TAAR5: variants seen among roughly 807,000 people sequenced by gnomAD.
TAAR5 encodes trace amine associated receptor 5, also known as trace amine-associated receptor 5.
Under a neutral mutation model 21.1 loss-of-function variants are expected in TAAR5, and 27 were observed. The observed-to-expected ratio is 1.28, with a 90% CI of 0.94 to 1.76. TAAR5 has a LOEUF of 1.76. TAAR5 is among the 40% of genes most tolerant of loss of function. The pLI is 0.00. For synonymous variants in TAAR5, 203 were observed against 167.5 expected (o/e 1.21, Z -1.64); for missense variants, 495 against 405.6 (o/e 1.22, Z -1.89).
chr6:132,609,687 T>A, the TAAR5 span, among the ~76,000 whole-genome samples: 5 of 152,214 alleles, frequency 3.3e-5, no homozygotes, highest in African/African-American at 1.2e-4. Context: ...GCTGCTAATA[T>A]CTCTTGCATC....
chr6:132,601,027 G>A, the TAAR5 span, among the ~76,000 whole-genome samples: 65 of 51,188 alleles, frequency 1.3e-3, no homozygotes, highest in African/African-American at 8.9e-3. Flanking sequence ...GGGGGAAGGA[G>A]GGAAGGAGGG....
At chr6:132,608,223 A>G in the TAAR5 span, 1 of 400,968 alleles carries the variant, frequency 2.5e-6, no homozygotes, top group Non-Finnish European at 4.9e-6. Context: ...GCAATATTCT[A>G]TTCACTTTTG....
the TAAR5 span, among the ~76,000 whole-genome samples, chr6:132,606,952 T>C: frequency 6.6e-6 from 1 of 152,122 alleles, no homozygotes; most frequent in Non-Finnish European, 1.5e-5. Flanking sequence ...TCCCAGCACT[T>C]TGGGAGGCTG....
the TAAR5 span, among the ~76,000 whole-genome samples, chr6:132,599,098 A>T: frequency 6.6e-6 from 1 of 152,178 alleles, no homozygotes. Flanking sequence ...AGCCCAAGCT[A>T]AACGCAAAAA....
the TAAR5 span, among the ~76,000 whole-genome samples, chr6:132,607,447 G>C: frequency 6.6e-6 from 1 of 152,030 alleles, no homozygotes; most frequent in African/African-American, 2.4e-5. Flanking sequence ...TAGATCATAG[G>C]TATTATGGTG....
At chr6:132,616,442 A>G in the TAAR5 span, among the ~76,000 whole-genome samples, 1 of 152,212 alleles carries the variant, frequency 6.6e-6, no homozygotes, top group Non-Finnish European at 1.5e-5. Context: ...GAGCCTACGG[A>G]GGAAAGGAAG....
upstream of TAAR5, among the ~76,000 whole-genome samples, chr6:132,594,021 T>C (rs1045320209): frequency 2.0e-5 from 3 of 152,214 alleles, no homozygotes; most frequent in African/African-American, 4.8e-5. Flanking sequence ...AACTCAGATA[T>C]ACATGGCTGT....
At chr6:132,593,668 A>G (rs1053728985), upstream of TAAR5, among the ~76,000 whole-genome samples, 5 of 152,218 alleles carry the variant, frequency 3.3e-5, no homozygotes, top group Non-Finnish European at 5.9e-5. Context: ...ATGTACACAC[A>G]TGAAAGACAT....
chr6:132,596,733 T>A, the TAAR5 span, among the ~76,000 whole-genome samples: 1 of 152,084 alleles, frequency 6.6e-6, no homozygotes, highest in African/African-American at 2.4e-5. Context: ...GGAAATAAAA[T>A]GTAAGAAGAA....
the TAAR5 span, among the ~76,000 whole-genome samples, chr6:132,597,941 A>C: frequency 1.3e-5 from 2 of 152,214 alleles, no homozygotes; most frequent in Admixed American, 6.5e-5. Flanking sequence ...TTTATGCAAT[A>C]CTTTTTTTCT....
At chr6:132,616,168 C>G in the TAAR5 span, among the ~76,000 whole-genome samples, 2 of 152,206 alleles carry the variant, frequency 1.3e-5, no homozygotes, top group East Asian at 3.9e-4. Flanking sequence ...AATCATCAAA[C>G]TCTACAAATT....
chr6:132,612,678 G>A, the TAAR5 span, among the ~76,000 whole-genome samples: 3 of 152,174 alleles, frequency 2.0e-5, no homozygotes, highest in African/African-American at 7.2e-5. Flanking sequence ...CCATTAAGGT[G>A]TGAAGATGGG....
At chr6:132,606,694 C>T in the TAAR5 span, among the ~76,000 whole-genome samples, 58 of 152,228 alleles carry the variant, frequency 3.8e-4, no homozygotes, top group Middle Eastern at 6.8e-3. Context: ...AAAACTGTAA[C>T]GATGGTGACA....
upstream of TAAR5, among the ~76,000 whole-genome samples, chr6:132,592,875 C>G (rs865778525): frequency 7.9e-5 from 12 of 152,180 alleles, no homozygotes; most frequent in African/African-American, 2.7e-4. Context: ...TCTTCTTCCT[C>G]TCTGCTGACA....
chr6:132,607,499 G>T, the TAAR5 span, among the ~76,000 whole-genome samples: 1 of 152,100 alleles, frequency 6.6e-6, no homozygotes, highest in Non-Finnish European at 1.5e-5. Context: ...AAGACTTTTG[G>T]AGAAAGTGGT....
the TAAR5 span, among the ~76,000 whole-genome samples, chr6:132,612,222 A>G: frequency 6.6e-6 from 1 of 152,208 alleles, no homozygotes; most frequent in Non-Finnish European, 1.5e-5. Flanking sequence ...TTGTCTATCC[A>G]TCACCACTGG....
Position 132,588,881 on chromosome 6 carries a change from G to C in TAAR5, c.806C>G (p.Thr269Ser). 1 of 1,614,076 alleles carries C rather than the reference G, an allele frequency of 6.2e-7. No homozygotes were observed. Among genetic ancestry groups the C allele is most frequent in the East Asian group, 2.2e-5 (1 of 44,860 alleles). Reference protein sequence around the residue: ...GIYLLCWLPFTIDTMVDSLLH... With the variant: ...GIYLLCWLPFSIDTMVDSLLH... ...GAGGCTGTCGACCATCGTGTCTATG[G>C]TGAAGGGCAGCCAGCACAAGAGGTA... The change falls in exon 1 of 1, where the codon ACC (threonine) becomes AGC (serine). Residue 269 changes from threonine (T) to serine (S), a missense_variant. Thr to Ser is a moderately conservative substitution (Grantham distance 58). Coordinates refer to ENST00000258034, the MANE Select transcript of TAAR5 (RefSeq NM_003967.3).
At chr6:132,602,873 T>C in the TAAR5 span, among the ~76,000 whole-genome samples, 3 of 152,018 alleles carry the variant, frequency 2.0e-5, no homozygotes, top group Admixed American at 2.0e-4. Context: ...TGTTTTATTT[T>C]CATAAGAGTT....
Position 132,589,031 on chromosome 6 carries a change from T to C in TAAR5, c.656A>G (p.Tyr219Cys). The C allele has an allele frequency of 1.2e-6, 2 of 1,614,052 alleles. No individual in the cohort carries two copies. The highest frequency in any genetic ancestry group is 2.2e-5 in the East Asian group (1 of 44,838). ...FVPCLIMISL[Y>C]VKIFVVATRQ... ...GGTAGCAACCACAAAGATCTTCACA[T>C]ACAAGCTGATCATAATGAGGCAGGG... The change falls in exon 1 of 1, where the codon TAT becomes TGT. Residue 219 changes from tyrosine (Y) to cysteine (C), a missense_variant. Physicochemically the swap from Tyr to Cys is radical, Grantham distance 194 (BLOSUM62 -2). Coordinates refer to ENST00000258034, the MANE Select transcript of TAAR5 (RefSeq NM_003967.3).
Sources: gnomAD v4.1 joint callset for allele counts (sites outside exome capture counted in the v4.1 genomes callset) on GRCh38, gnomAD v4.1.1 for gene constraint, MANE v1.5 for transcripts, NCBI Gene and HGNC (gene_info 2026-07-23, HGNC 2026-07-21) for gene names.